DNAJC10: variants seen among roughly 807,000 people sequenced by gnomAD.
DNAJC10 encodes the protein DnaJ heat shock protein family (Hsp40) member C10, also known as endoplasmic reticulum disulfide reductase DNAJC10.
In DNAJC10, 101 loss-of-function variants were observed where a neutral mutation model predicts 115.0. The ratio of observed to expected loss-of-function variants is 0.88; its 90% CI spans 0.75 to 1.04. The LOEUF (loss-of-function observed/expected upper bound fraction) is 1.04, where lower values mean the gene tolerates loss of function less well. Among genes scored for constraint, DNAJC10 ranks in the 50% least tolerant of loss-of-function variants. The probability of loss-of-function intolerance (pLI) is 0.00; values close to 1 mark genes in which losing one functional copy is unlikely to be tolerated. For missense variants in DNAJC10, 981 were observed against 928.8 expected (o/e 1.06, Z -0.73); for synonymous variants, 307 against 301.5 (o/e 1.02, Z -0.19).
rs574538177 is a variant in DNAJC10, at chr2:182,744,748, A to G, written c.1306+1036A>G. On this transcript the variant is annotated intron_variant, in intron 14 of 23. Coordinates refer to ENST00000264065, the MANE Select transcript of DNAJC10 (RefSeq NM_018981.4). ...TCAGAAAGGTTAAGTAACTTGCCCT[A>G]TGACAGACATACTAGAAACTAGCCA... Among the ~76,000 whole-genome samples, 164 of 152,330 alleles carry G rather than the reference A, an allele frequency of 1.1e-3. 4 individuals are homozygous for G. The South Asian group carries it at 0.034, about 31-fold the overall frequency.
chr2:182,725,862 G>A (rs1197665001), intron 5 of DNAJC10, among the ~76,000 whole-genome samples: 1 of 152,186 alleles, frequency 6.6e-6, no homozygotes, highest in Non-Finnish European at 1.5e-5. Context: ...ATTGGAAGAA[G>A]ATGCTATCTG....
rs1227866653 is a variant in DNAJC10 at position 182,793,953 on chromosome 2, G to T, written c.*16821G>T. The T allele has an allele frequency of 2.0e-5, 3 of 151,648 alleles. No homozygotes were observed. The highest frequency in any genetic ancestry group is 7.3e-5 in the African/African-American group (3 of 41,198). 9.4% of individuals were successfully genotyped at this position (151,648 alleles called of 1,614,324 possible). On this transcript the variant is annotated 3_prime_UTR_variant, in exon 24 of 24. Transcript: ENST00000264065. ...AGCAAAGCCTTCCAAATTCTGAGAG[G>T]AAAATATTTTTAACCTAGGATTCTA... is the stretch of plus-strand genomic sequence containing the variant.
intron 4 of DNAJC10, among the ~76,000 whole-genome samples, chr2:182,720,378 A>G (rs779794461): frequency 2.0e-5 from 3 of 152,200 alleles, no homozygotes; most frequent in Admixed American, 6.5e-5. Context: ...AAATCTTGTT[A>G]AATACTTTTA....
chr2:182,760,654 T>A (rs1694265089), intron 21 of DNAJC10, among the ~76,000 whole-genome samples: 1 of 152,162 alleles, frequency 6.6e-6, no homozygotes, highest in South Asian at 2.1e-4. Context: ...TAATCCAGAT[T>A]GATAGCTTTC....
chr2:182,786,783 G>C lies in DNAJC10; in HGVS notation c.*9651G>C, dbSNP rs944556134. The C allele has an allele frequency of 5.3e-5, 8 of 152,122 alleles. No individual in the cohort carries two copies. Among genetic ancestry groups the C allele is most frequent in the African/African-American group, 1.4e-4 (6 of 41,406 alleles). The allele number at this position is 152,122 out of a possible 1,614,324, so 9.4% of individuals were successfully genotyped here. ...ACTATTTTTAGAGATTATTACTATGGTCCGAATGTTTATATCCCCTCCTGC... is the reference window on the plus strand; with the variant it reads ...ACTATTTTTAGAGATTATTACTATGCTCCGAATGTTTATATCCCCTCCTGC... On this transcript the variant is annotated 3_prime_UTR_variant, in exon 24 of 24. Transcript: ENST00000264065.
Position 182,720,073 on chromosome 2 carries a change from G to T in DNAJC10, c.271G>T (p.Asp91Tyr), listed in dbSNP as rs764792929. 1.2e-5 allele frequency: 20 copies of T among 1,607,360 alleles called. No homozygotes were observed. The highest frequency in any genetic ancestry group is 1.0e-4 in the Admixed American group (6 of 59,828). The part of the protein sequence containing the change: ...NRAYEVLKDE[D>Y]LRKKYDKYGE... ...AGCATATGAAGTACTCAAAGATGAA[G>T]ATCTACGGAAAAAGTATGACAAATA... Residue 91 changes from aspartate to tyrosine, a missense_variant, in exon 4 of 24, where the codon GAT becomes TAT. Coordinates refer to ENST00000264065, the MANE Select transcript of DNAJC10 (RefSeq NM_018981.4).
chr2:182,776,976 G>A (rs1401197920), intron 23 of DNAJC10, 145 bp from the exon 24 acceptor site: 3 of 480,598 alleles, frequency 6.2e-6, no homozygotes, highest in East Asian at 3.4e-5. Context: ...TTTTGGCAAA[G>A]TATATTTCAT....
chr2:182,759,350 T>A, intron 21 of DNAJC10, 43 bp downstream of exon 21: 2 of 1,550,900 alleles, frequency 1.3e-6, no homozygotes, highest in Non-Finnish European at 1.7e-6. Context: ...CACATTCATG[T>A]TTTAGTAATT....
intron 7 of DNAJC10, 73 bp from the exon 8 acceptor site, chr2:182,729,773 ACT>A: frequency 1.1e-6 from 1 of 925,614 alleles, no homozygotes. Flanking sequence ...TAAAAATCAA[ACT>A]CTTTGGTATT....
At chr2:182,750,829 A>G (rs143930764) in intron 14 of DNAJC10, among the ~76,000 whole-genome samples, 37 of 152,258 alleles carry the variant, frequency 2.4e-4, no homozygotes, top group African/African-American at 8.7e-4. Context: ...AGCCATAGGA[A>G]TTTTTCAGCT....
intron 22 of DNAJC10, 82 bp from the exon 23 acceptor site, chr2:182,775,234 A>G: frequency 2.3e-6 from 2 of 861,972 alleles, no homozygotes; most frequent in Non-Finnish European, 3.7e-6. Context: ...AGAACTTGAA[A>G]GCATATTTAA....
chr2:182,728,154 A>G (rs1693338904), intron 5 of DNAJC10, among the ~76,000 whole-genome samples: 1 of 152,196 alleles, frequency 6.6e-6, no homozygotes, highest in Admixed American at 6.5e-5. Context: ...TGCTGCATGT[A>G]ATAGAAGAGC....
chr2:182,737,572 G>A lies in DNAJC10; in HGVS notation c.987+1186G>A, dbSNP rs564957645. On this transcript the variant is annotated intron_variant, in intron 11 of 23. Coordinates refer to ENST00000264065, the MANE Select transcript of DNAJC10 (RefSeq NM_018981.4). ...CAAACCTCTGTTCTCCACTCCAGAT[G>A]TATTATACACATGCACCTATACGTA... Among the ~76,000 whole-genome samples, 183 of 152,218 alleles carry A rather than the reference G, an allele frequency of 1.2e-3. 1 individual carries two copies. Among genetic ancestry groups the A allele is most frequent in the African/African-American group, 4.2e-3 (173 of 41,522 alleles).
At position 182,717,936 on chromosome 2, in the gene DNAJC10, C is replaced by G. The variant is rs1693038545; in HGVS notation, c.-146-5C>G. 2 of 502,336 alleles carry G rather than the reference C, an allele frequency of 4.0e-6. No homozygotes were observed. The highest frequency in any genetic ancestry group is 5.3e-4 in the Middle Eastern group (1 of 1,876). 31.1% of individuals were successfully genotyped at this position (502,336 alleles called of 1,614,324 possible). A position where few individuals can be genotyped will look rare whatever the true frequency, so the allele number is the denominator to read the frequency against. On this transcript the variant is annotated splice_polypyrimidine_tract_variant and splice_region_variant and intron_variant, in intron 2 of 23. Coordinates refer to ENST00000264065, the MANE Select transcript of DNAJC10 (RefSeq NM_018981.4). ...GTATTTTAACTGCCTGCTTTTCTTT[C>G]TTAGATTAATATTTTTGGGGACAGA...
rs1330720991 is a variant in DNAJC10, at chr2:182,788,863, A to G, written c.*11731A>G. The G allele has an allele frequency of 4.4e-6, 2 of 452,238 alleles. No individual in the cohort carries two copies. The highest frequency in any genetic ancestry group is 4.0e-5 in the African/African-American group (2 of 49,706). 28.0% of individuals were successfully genotyped at this position (452,238 alleles called of 1,614,324 possible). ...GAAGAGAGATTTCACGTTAAAGGTC[A>G]TTTTGTGTCTTCTTTAAAACTCTTG... On this transcript the variant is annotated 3_prime_UTR_variant, in exon 24 of 24. Coordinates refer to ENST00000264065, the MANE Select transcript of DNAJC10 (RefSeq NM_018981.4).
Position 182,793,385 on chromosome 2 carries a change from A to T in DNAJC10, c.*16253A>T, listed in dbSNP as rs1695086954. The T allele has an allele frequency of 6.6e-6, 1 of 152,232 alleles. No individual in the cohort carries two copies. Among genetic ancestry groups the T allele is most frequent in the Non-Finnish European group, 1.5e-5 (1 of 68,050 alleles). The allele number at this position is 152,232 out of a possible 1,614,324, so 9.4% of individuals were successfully genotyped here. On this transcript the variant is annotated 3_prime_UTR_variant, in exon 24 of 24. Coordinates refer to ENST00000264065, the MANE Select transcript of DNAJC10 (RefSeq NM_018981.4). ...ATTGTGAAATTCCAGAACCAAAAAGAAGATCCTGGTAAAAGAGAAACTTTC... is the reference window on the plus strand; with the variant it reads ...ATTGTGAAATTCCAGAACCAAAAAGTAGATCCTGGTAAAAGAGAAACTTTC...
rs551270356 is a variant in DNAJC10, at chr2:182,757,594, T to C, written c.1810-98T>C. ...TTATTGGGTAAAAGTCACTGATAAA[T>C]AATATAATAACTGTTTCACCATAAT... is the stretch of plus-strand genomic sequence containing the variant. On this transcript the variant is annotated intron_variant, in intron 18 of 23. Coordinates refer to ENST00000264065, the MANE Select transcript of DNAJC10 (RefSeq NM_018981.4). 9.3e-5 allele frequency: 19 copies of C among 203,252 alleles called. No homozygotes were observed. The South Asian group carries it at 3.1e-3, about 33-fold the overall frequency. The allele number at this position is 203,252 out of a possible 1,614,324, so 12.6% of individuals were successfully genotyped here. A position where few individuals can be genotyped will look rare whatever the true frequency, so the allele number is the denominator to read the frequency against.
chr2:182,730,552 A>T (rs1277939037), intron 8 of DNAJC10: 1 of 453,802 alleles, frequency 2.2e-6, no homozygotes, highest in African/African-American at 2.0e-5. Context: ...GGAGCATAAG[A>T]TGTGTAAAAC....
intron 5 of DNAJC10, 105 bp downstream of exon 5, chr2:182,722,180 G>A (rs1006409968): frequency 2.4e-5 from 19 of 802,108 alleles, no homozygotes; most frequent in East Asian, 5.5e-5. Flanking sequence ...TTGGAGTTTC[G>A]AACAGTAATA....
Sources: allele counts gnomAD v4.1 joint callset (sites outside exome capture counted in the v4.1 genomes callset), GRCh38; gene constraint gnomAD v4.1.1; transcripts MANE v1.5; gene names NCBI Gene and HGNC (gene_info 2026-07-23, HGNC 2026-07-21).